The following HPSE2 variants were observed in gnomAD, a reference collection of about 807,000 sequenced individuals.
HPSE2 encodes the protein inactive heparanase-2.
In HPSE2, 38 loss-of-function variants were observed where a neutral mutation model predicts 60.5. The ratio of observed to expected loss-of-function variants is 0.63; its 90% CI spans 0.48 to 0.82. The LOEUF (loss-of-function observed/expected upper bound fraction) is 0.82. Ranked by LOEUF, HPSE2 falls within the 40% of genes least tolerant of loss-of-function variation. The pLI is 0.00. For synonymous variants in HPSE2, 295 were observed against 293.2 expected (o/e 1.01, Z -0.06); for missense variants, 713 against 740.4 (o/e 0.96, Z 0.43).
intron 3 of HPSE2, among the ~76,000 whole-genome samples, chr10:98,858,988 GCA>G (rs1379146153): frequency 2.0e-5 from 3 of 152,116 alleles, no homozygotes; most frequent in Non-Finnish European, 2.9e-5. Context: ...GAGTGCAGTG[GCA>G]CAGTCATAGC....
the HPSE2 span, among the ~76,000 whole-genome samples, chr10:99,287,132 T>A: frequency 6.6e-6 from 1 of 152,168 alleles, no homozygotes; most frequent in South Asian, 2.1e-4. Context: ...TTGAATTATC[T>A]TAGAGCTAAT....
chr10:98,919,901 C>T (rs1421523337), intron 3 of HPSE2, among the ~76,000 whole-genome samples: 1 of 152,170 alleles, frequency 6.6e-6, no homozygotes, highest in Non-Finnish European at 1.5e-5. Context: ...TCTTGTTTCA[C>T]TTGACATTAG....
chr10:98,765,925 A>C (rs528141757), intron 3 of HPSE2, among the ~76,000 whole-genome samples: 1 of 152,150 alleles, frequency 6.6e-6, no homozygotes, highest in South Asian at 2.1e-4. Flanking sequence ...AAAGCAAATA[A>C]AATCTAAAGC....
intron 3 of HPSE2, among the ~76,000 whole-genome samples, chr10:98,821,417 C>T (rs1279573176): frequency 1.3e-5 from 2 of 152,064 alleles, no homozygotes; most frequent in East Asian, 3.8e-4. Flanking sequence ...AAACATATCT[C>T]AACATAGAAA....
intron 9 of HPSE2, among the ~76,000 whole-genome samples, chr10:98,515,098 C>T (rs528685671): frequency 3.3e-5 from 5 of 152,254 alleles, no homozygotes; most frequent in African/African-American, 9.6e-5. Context: ...TGGACTTTCT[C>T]TCCAGGGAAT....
chr10:98,555,699 T>A (rs1943987712), intron 9 of HPSE2, among the ~76,000 whole-genome samples: 2 of 152,248 alleles, frequency 1.3e-5, no homozygotes, highest in African/African-American at 4.8e-5. Context: ...GCTATAAATT[T>A]TGGTTTTTAA....
chr10:99,312,306 A>T, the HPSE2 span, among the ~76,000 whole-genome samples: 8 of 152,194 alleles, frequency 5.3e-5, no homozygotes, highest in East Asian at 1.5e-3. Context: ...ATAGCTAGAG[A>T]GATGTCAACA....
At chr10:98,946,828 A>G (rs935825397) in intron 3 of HPSE2, among the ~76,000 whole-genome samples, 1 of 152,058 alleles carries the variant, frequency 6.6e-6, no homozygotes, top group Non-Finnish European at 1.5e-5. Context: ...TCCTGTGGCT[A>G]TTGTGGTGAG....
intron 3 of HPSE2, among the ~76,000 whole-genome samples, chr10:99,115,034 T>C (rs114595156): frequency 0.037 from 5,558 of 152,084 alleles, 305 homozygotes; most frequent in African/African-American, 0.11. Context: ...CAGGTTGGAG[T>C]GCAGTGGCAG....
chr10:98,530,624 G>T (rs1564943952), intron 9 of HPSE2, among the ~76,000 whole-genome samples: 1 of 152,228 alleles, frequency 6.6e-6, no homozygotes, highest in African/African-American at 2.4e-5. Context: ...GCTCCTGGCA[G>T]TCTCTGCATT....
At chr10:98,973,885 A>G (rs1047364740) in intron 3 of HPSE2, among the ~76,000 whole-genome samples, 2 of 152,160 alleles carry the variant, frequency 1.3e-5, no homozygotes, top group Admixed American at 1.3e-4. Context: ...ATTTATTTTA[A>G]AATACTATAT....
intron 3 of HPSE2, among the ~76,000 whole-genome samples, chr10:99,127,789 G>A (rs1364552627): frequency 6.6e-6 from 1 of 152,184 alleles, no homozygotes; most frequent in Non-Finnish European, 1.5e-5. Flanking sequence ...AAGATTAACA[G>A]AATTCTCAGC....
At chr10:98,635,164 A>G (rs1425985694) in intron 7 of HPSE2, among the ~76,000 whole-genome samples, 1 of 152,218 alleles carries the variant, frequency 6.6e-6, no homozygotes, top group Non-Finnish European at 1.5e-5. Context: ...TAGTCAATAA[A>G]TGAAGGAAGG....
chr10:98,652,959 T>A (rs909056217), intron 6 of HPSE2, among the ~76,000 whole-genome samples: 1 of 152,244 alleles, frequency 6.6e-6, no homozygotes, highest in African/African-American at 2.4e-5. Flanking sequence ...TCTTCTTTCA[T>A]CTACCTAGGT....
chr10:98,647,903 C>T (rs2134052731), intron 6 of HPSE2, among the ~76,000 whole-genome samples: 2 of 152,268 alleles, frequency 1.3e-5, no homozygotes, highest in East Asian at 1.9e-4. Flanking sequence ...TAAACCAGTT[C>T]AAATAATTCC....
intron 3 of HPSE2, chr10:99,047,734 C>T: frequency 1.2e-6 from 1 of 851,004 alleles, no homozygotes; most frequent in Non-Finnish European, 2.0e-6. Context: ...AGATCAAGTG[C>T]CTGAGAAAGA....
intron 2 of HPSE2, among the ~76,000 whole-genome samples, chr10:99,192,619 G>C (rs889587521): frequency 3.3e-5 from 5 of 151,048 alleles, no homozygotes; most frequent in Non-Finnish European, 7.4e-5. Flanking sequence ...TTTTTATTTT[G>C]TATAGATGGT....
rs113346642 is a variant in HPSE2, at chr10:98,870,155, C to T, written c.611-126099G>A. 5.9e-3 allele frequency among the ~76,000 whole-genome samples: 892 copies of T among 152,226 alleles called. 9 individuals are homozygous for T. The highest frequency in any genetic ancestry group is 0.02 in the African/African-American group (849 of 41,542). ...AATAACAAACTATCCAGTGAATATA[C>T]GGTTAATTGTGAACTCTAACAAAAT... On this transcript the variant is annotated intron_variant, in intron 3 of 11. Transcript: ENST00000370552.
the HPSE2 span, among the ~76,000 whole-genome samples, chr10:99,298,558 A>C: frequency 6.6e-6 from 1 of 152,266 alleles, no homozygotes; most frequent in Non-Finnish European, 1.5e-5. Flanking sequence ...AATAAAAATT[A>C]GCAAATCAAC....
Sources: gnomAD v4.1 joint callset for allele counts (sites outside exome capture counted in the v4.1 genomes callset) on GRCh38, gnomAD v4.1.1 for gene constraint, MANE v1.5 for transcripts, NCBI Gene and HGNC (gene_info 2026-07-23, HGNC 2026-07-21) for gene names.